ANKUB1: variants seen among roughly 807,000 people sequenced by gnomAD.
ANKUB1 encodes ankyrin repeat and ubiquitin domain containing 1.
In ANKUB1, 42 loss-of-function variants were observed where a neutral mutation model predicts 49.3. The ratio of observed to expected loss-of-function variants is 0.85; its 90% CI spans 0.67 to 1.10. The LOEUF is 1.10. ANKUB1 is among the 50% of genes least tolerant of loss of function. ANKUB1 has a pLI of 0.00. For missense variants in ANKUB1, 613 were observed against 642.0 expected, an observed-to-expected ratio of 0.95 and a Z score of 0.49; for synonymous variants, 222 against 231.0, an observed-to-expected ratio of 0.96 and a Z score of 0.35.
chr3:149,787,241 T>G (rs1251222280), intron 2 of ANKUB1, among the ~76,000 whole-genome samples: 1 of 152,196 alleles, frequency 6.6e-6, no homozygotes, highest in East Asian at 1.9e-4. Context: ...TGTCCTCTTT[T>G]ATTTCGTTGA....
intron 3 of ANKUB1, 64 bp from the exon 4 acceptor site, chr3:149,770,738 C>T: frequency 1.0e-6 from 1 of 981,330 alleles, no homozygotes; most frequent in Non-Finnish European, 1.5e-6. Context: ...ATCCATAAAA[C>T]TTCTAATGGT....
intron 4 of ANKUB1, 53 bp from the exon 5 acceptor site, chr3:149,768,148 C>T (rs888427223): frequency 6.3e-5 from 75 of 1,181,800 alleles, no homozygotes; most frequent in Non-Finnish European, 8.5e-5. Flanking sequence ...AGCAAACAGA[C>T]AAATGTAGTT....
In ANKUB1 at chr3:149,768,005, G is replaced by A. The variant is rs924231967; in HGVS notation, c.657C>T (p.His219=). The A allele has an allele frequency of 7.0e-5, 105 of 1,507,180 alleles. No individual in the cohort carries two copies. Among genetic ancestry groups the A allele is most frequent in the Non-Finnish European group, 8.6e-5 (96 of 1,121,618 alleles). 93.4% of individuals were successfully genotyped at this position (1,507,180 alleles called of 1,614,324 possible). A position where few individuals can be genotyped will look rare whatever the true frequency, so the allele number is the denominator to read the frequency against. Residue 219 remains histidine (H), a synonymous_variant, in exon 5 of 6, where the codon CAC becomes CAT. Coordinates refer to ENST00000446160, the MANE Select transcript of ANKUB1 (RefSeq NM_001144960.3). ...GATAGGGGTGAACACCGACTGCCTC[G>A]TGGGGCCGCGCACCCTGCTTCAGGG... ...EWALKQGARP[H]EAVGVHPYRA...
chr3:149,771,329 C>T (rs1348051486), intron 3 of ANKUB1, among the ~76,000 whole-genome samples: 1 of 152,178 alleles, frequency 6.6e-6, no homozygotes, highest in Non-Finnish European at 1.5e-5. Flanking sequence ...CAGCCTTCTC[C>T]CTATGTGAAC....
intron 2 of ANKUB1, among the ~76,000 whole-genome samples, chr3:149,787,516 C>G (rs562724067): frequency 3.6e-4 from 55 of 152,294 alleles, no homozygotes; most frequent in African/African-American, 1.3e-3. Flanking sequence ...CATCTGCAAA[C>G]AGGGACAATT....
chr3:149,776,478 A>G (rs1405749193), intron 3 of ANKUB1, among the ~76,000 whole-genome samples: 1 of 152,236 alleles, frequency 6.6e-6, no homozygotes, highest in Non-Finnish European at 1.5e-5. Flanking sequence ...TGTTTGCAGT[A>G]AAGGGAAATT....
At chr3:149,775,906 T>C (rs896401143) in intron 3 of ANKUB1, among the ~76,000 whole-genome samples, 4 of 151,342 alleles carry the variant, frequency 2.6e-5, no homozygotes, top group Non-Finnish European at 4.4e-5. Context: ...TGTGTGTGCG[T>C]GTGTGTGTGT....
At chr3:149,784,428 A>G (rs535603790) in intron 2 of ANKUB1, among the ~76,000 whole-genome samples, 1 of 152,278 alleles carries the variant, frequency 6.6e-6, no homozygotes, top group African/African-American at 2.4e-5. Flanking sequence ...TAAGGCAGAG[A>G]AGCAACAGAC....
Position 149,792,460 on chromosome 3 carries a change from A to G in ANKUB1, c.-94T>C. 1.0e-6 allele frequency: 1 copy of G among 1,004,176 alleles called. No individual in the cohort carries two copies. Among genetic ancestry groups the G allele is most frequent in the South Asian group, 2.1e-5 (1 of 48,666 alleles). 62.2% of individuals were successfully genotyped at this position (1,004,176 alleles called of 1,614,324 possible). On this transcript the variant is annotated 5_prime_UTR_variant, in exon 1 of 6. Coordinates refer to ENST00000446160, the MANE Select transcript of ANKUB1 (RefSeq NM_001144960.3). ...TTCCGGTTCACAATTAAGGACAAAA[A>G]TGATAGCCAGAGGCAGCTGTCACTG... is the stretch of plus-strand genomic sequence containing the variant.
intron 2 of ANKUB1, among the ~76,000 whole-genome samples, chr3:149,789,908 T>C (rs1472839167): frequency 2.0e-5 from 3 of 152,168 alleles, no homozygotes; most frequent in Admixed American, 2.0e-4. Flanking sequence ...CAGCCCAGAG[T>C]ATTCCTTTTA....
intron 3 of ANKUB1, among the ~76,000 whole-genome samples, chr3:149,776,061 T>G (rs1343128315): frequency 1.3e-5 from 2 of 152,198 alleles, no homozygotes; most frequent in Non-Finnish European, 2.9e-5. Flanking sequence ...CCCTTATCCC[T>G]TCATTACTCA....
chr3:149,778,624 G>T (rs1717712266), intron 3 of ANKUB1: 1 of 152,098 alleles, frequency 6.6e-6, no homozygotes, highest in Non-Finnish European at 1.5e-5. Context: ...TCATGTTCTA[G>T]GCAGGGTTCA....
At chr3:149,783,022 C>A (rs1717936969) in intron 2 of ANKUB1, 1 of 152,048 alleles carries the variant, frequency 6.6e-6, no homozygotes, top group African/African-American at 2.4e-5. Flanking sequence ...ACATCCCAGG[C>A]CTTTTTAATC....
chr3:149,766,773 G>A, intron 5 of ANKUB1: 2 of 1,022,348 alleles, frequency 2.0e-6, no homozygotes, highest in African/African-American at 1.6e-5. Context: ...ACTCCAGCCT[G>A]AGCAACAGAA....
intron 2 of ANKUB1, among the ~76,000 whole-genome samples, chr3:149,788,540 A>G (rs2108282051): frequency 6.6e-6 from 1 of 152,202 alleles, no homozygotes; most frequent in South Asian, 2.1e-4. Context: ...GGGTCTCACC[A>G]TCTTGCTCAG....
intron 3 of ANKUB1, chr3:149,778,706 A>G (rs1417041235): frequency 6.6e-6 from 1 of 152,208 alleles, no homozygotes; most frequent in Non-Finnish European, 1.5e-5. Flanking sequence ...GTAGAACTTC[A>G]CTTCCCCTGA....
intron 3 of ANKUB1, among the ~76,000 whole-genome samples, chr3:149,778,015 C>A (rs1717679370): frequency 6.6e-6 from 1 of 152,196 alleles, no homozygotes; most frequent in Non-Finnish European, 1.5e-5. Context: ...CTCCTGATAG[C>A]AGCAGGGATG....
At chr3:149,781,324 C>T (rs190948539) in intron 2 of ANKUB1, among the ~76,000 whole-genome samples, 68 of 152,184 alleles carry the variant, frequency 4.5e-4, no homozygotes, top group Non-Finnish European at 8.1e-4. Context: ...CAAAATACAG[C>T]GAATAGGAAA....
At chr3:149,765,907 T>G (rs1716993212) in intron 5 of ANKUB1, among the ~76,000 whole-genome samples, 1 of 152,218 alleles carries the variant, frequency 6.6e-6, no homozygotes, top group Admixed American at 6.5e-5. Context: ...TATTGAATTT[T>G]GAGTTTTACA....
Sources: allele counts gnomAD v4.1 joint callset (sites outside exome capture counted in the v4.1 genomes callset), GRCh38; gene constraint gnomAD v4.1.1; transcripts MANE v1.5; gene names NCBI Gene and HGNC (gene_info 2026-07-23, HGNC 2026-07-21).